Variants in SEMA5A observed in about 807,000 individuals in gnomAD.
The protein encoded by SEMA5A is semaphorin 5A.
A neutral mutation model predicts 135.5 loss-of-function variants in SEMA5A; 55 were observed. The ratio of observed to expected loss-of-function variants is 0.41; its 90% CI spans 0.33 to 0.51. SEMA5A has a LOEUF of 0.51. Ranked by LOEUF, SEMA5A falls within the 20% of genes least tolerant of loss-of-function variation. SEMA5A has a pLI of 0.37. For synonymous variants in SEMA5A, 580 were observed against 546.5 expected (o/e 1.06, Z -0.85); for missense variants, 1,290 against 1,419.9 (o/e 0.91, Z 1.47).
chr5:9,263,745 GC>G (rs1357181474), intron 5 of SEMA5A, among the ~76,000 whole-genome samples: 5 of 152,162 alleles, frequency 3.3e-5, no homozygotes, highest in Non-Finnish European at 5.9e-5. Flanking sequence ...ATGGTGGGAG[GC>G]AAGTTATCCT....
chr5:9,456,230 T>TA (rs1354109852), intron 1 of SEMA5A, among the ~76,000 whole-genome samples: 3 of 152,208 alleles, frequency 2.0e-5, no homozygotes, highest in Non-Finnish European at 2.9e-5. Flanking sequence ...CCAGAGCTGC[T>TA]CTGTCCCTGG....
intron 4 of SEMA5A, among the ~76,000 whole-genome samples, chr5:9,330,997 G>A (rs148915981): frequency 1.3e-5 from 2 of 152,226 alleles, no homozygotes; most frequent in Admixed American, 6.5e-5. Flanking sequence ...CCCACAATGG[G>A]GTTCTACTCC....
chr5:9,319,964 G>A (rs1415459270), intron 4 of SEMA5A, among the ~76,000 whole-genome samples: 1 of 152,044 alleles, frequency 6.6e-6, no homozygotes, highest in Non-Finnish European at 1.5e-5. Context: ...AGTTAGGGAG[G>A]ACAAAGCCCC....
At position 9,066,526 on chromosome 5, in the gene SEMA5A, T is replaced by A; in HGVS notation, c.2194A>T (p.Thr732Ser). 6.2e-7 allele frequency: 1 copy of A among 1,614,184 alleles called. No individual in the cohort carries two copies. The highest frequency in any genetic ancestry group is 8.5e-7 in the Non-Finnish European group (1 of 1,180,026). ...GGATCAGCCAGGCGGGCTTTGCATG[T>A]GTATCGGAATCGTTGCTCATAGTGG... ...GGHYEQRFRYTCKARLADPNL... is the reference protein window; with the variant it reads ...GGHYEQRFRYSCKARLADPNL... The change falls in exon 17 of 23, where the codon ACA becomes TCA. Residue 732 changes from threonine to serine, a missense_variant. Coordinates refer to ENST00000382496, the MANE Select transcript of SEMA5A (RefSeq NM_003966.3).
intron 16 of SEMA5A, among the ~76,000 whole-genome samples, chr5:9,089,912 C>G (rs1487275721): frequency 3.9e-5 from 6 of 152,156 alleles, no homozygotes; most frequent in East Asian, 1.9e-4. Context: ...AACATTCTTT[C>G]TCTCTTAATC....
intron 1 of SEMA5A, among the ~76,000 whole-genome samples, chr5:9,530,796 ATGGAATCACC>A (rs1401052488): frequency 1.3e-5 from 2 of 152,196 alleles, no homozygotes; most frequent in Admixed American, 1.3e-4. Context: ...GACTTGCACA[ATGGAATCACC>A]TGGAAAAGGA....
At chr5:9,319,299 C>G (rs566970464) in intron 4 of SEMA5A, among the ~76,000 whole-genome samples, 2 of 152,092 alleles carry the variant, frequency 1.3e-5, no homozygotes, top group East Asian at 3.9e-4. Context: ...ACTTGGTGGT[C>G]TGCCCAAAGG....
At chr5:9,266,684 T>C (rs1805938) in intron 5 of SEMA5A, among the ~76,000 whole-genome samples, 1,897 of 152,298 alleles carry the variant, frequency 0.012, 39 homozygotes, top group African/African-American at 0.044. Flanking sequence ...AAAGTAAGCA[T>C]GATTAACTTA....
intron 1 of SEMA5A, among the ~76,000 whole-genome samples, chr5:9,537,728 T>C (rs1477380622): frequency 6.6e-6 from 1 of 152,214 alleles, no homozygotes; most frequent in Non-Finnish European, 1.5e-5. Flanking sequence ...GCACTAGGAC[T>C]TAAAACGCTG....
chr5:9,209,958 A>G (rs1285914134), intron 8 of SEMA5A, among the ~76,000 whole-genome samples: 5 of 152,228 alleles, frequency 3.3e-5, no homozygotes, highest in African/African-American at 1.2e-4. Flanking sequence ...GACTGTCACT[A>G]GGAAACTGCT....
chr5:9,442,821 C>T (rs1029049762), intron 1 of SEMA5A, among the ~76,000 whole-genome samples: 1 of 152,172 alleles, frequency 6.6e-6, no homozygotes, highest in African/African-American at 2.4e-5. Flanking sequence ...ATAGAAACAT[C>T]AGTCTAAAAA....
chr5:9,400,327 T>A (rs2126563282), intron 2 of SEMA5A, among the ~76,000 whole-genome samples: 1 of 151,968 alleles, frequency 6.6e-6, no homozygotes, highest in African/African-American at 2.4e-5. Flanking sequence ...AAGTAAAATT[T>A]AAAAAATAAA....
chr5:9,049,655 G>A (rs939647385), intron 21 of SEMA5A, among the ~76,000 whole-genome samples: 1 of 152,226 alleles, frequency 6.6e-6, no homozygotes, highest in African/African-American at 2.4e-5. Context: ...AGTCACACAT[G>A]TGGAAGTTAA....
At chr5:9,420,122 T>C (rs990337561) in intron 2 of SEMA5A, among the ~76,000 whole-genome samples, 6 of 152,098 alleles carry the variant, frequency 3.9e-5, no homozygotes, top group African/African-American at 1.4e-4. Context: ...CGCTCCATCA[T>C]GAACGATGTG....
intron 6 of SEMA5A, among the ~76,000 whole-genome samples, chr5:9,235,599 G>A (rs1747863376): frequency 6.7e-6 from 1 of 150,298 alleles, no homozygotes. Context: ...TGGGACCTGG[G>A]AGAGGGAAGG....
rs995080969 is a variant in SEMA5A, at chr5:9,269,967, G to C, written c.271-32077C>G. Among the ~76,000 whole-genome samples, 8 of 152,074 alleles carry C rather than the reference G, an allele frequency of 5.3e-5. 1 individual carries two copies. The South Asian group carries it at 1.7e-3, about 32-fold the overall frequency. On this transcript the variant is annotated intron_variant, in intron 5 of 22. Coordinates refer to ENST00000382496, the MANE Select transcript of SEMA5A (RefSeq NM_003966.3). ...GCCTGCTTGCAAAATTGGCCCCTTA[G>C]CTGGTTTCTGGGAGCTCAGATATCA...
intron 16 of SEMA5A, among the ~76,000 whole-genome samples, chr5:9,068,396 G>A (rs1737589308): frequency 6.6e-6 from 1 of 152,194 alleles, no homozygotes; most frequent in Admixed American, 6.5e-5. Context: ...TGTCTTGCCT[G>A]TCTGGATGCT....
At chr5:9,302,911 GA>G (rs950033039) in intron 5 of SEMA5A, among the ~76,000 whole-genome samples, 19 of 152,132 alleles carry the variant, frequency 1.2e-4, no homozygotes, top group African/African-American at 4.6e-4. Context: ...TTTTCTTTAT[GA>G]ATCAATCTAA....
In SEMA5A at chr5:9,040,956, C is replaced by A. The variant is rs1426282203; in HGVS notation, c.*1941G>T. On this transcript the variant is annotated 3_prime_UTR_variant, in exon 23 of 23. Transcript: ENST00000382496. Reference sequence around the variant, plus strand: ...TGATGATGAAAATCCAGCCGAGGAACAATTGGAGAACCATCCGGCTAGATT... The same window carrying A: ...TGATGATGAAAATCCAGCCGAGGAAAAATTGGAGAACCATCCGGCTAGATT... The A allele has an allele frequency of 6.6e-6, 1 of 152,122 alleles. No individual in the cohort carries two copies. Among genetic ancestry groups the A allele is most frequent in the East Asian group, 1.9e-4 (1 of 5,194 alleles). 9.4% of individuals were successfully genotyped at this position (152,122 alleles called of 1,614,324 possible).
Sources: allele counts gnomAD v4.1 joint callset (sites outside exome capture counted in the v4.1 genomes callset), GRCh38; gene constraint gnomAD v4.1.1; transcripts MANE v1.5; gene names NCBI Gene and HGNC (gene_info 2026-07-23, HGNC 2026-07-21).